Variants in ANKFN1 observed in about 807,000 individuals in gnomAD.
ANKFN1 encodes the protein ankyrin repeat and fibronectin type III domain containing 1.
A neutral mutation model predicts 108.7 loss-of-function variants in ANKFN1; 74 were observed. The observed-to-expected ratio is 0.68, with a 90% CI of 0.56 to 0.83. ANKFN1 has a LOEUF of 0.83. Ranked by LOEUF, ANKFN1 falls within the 40% of genes least tolerant of loss-of-function variation. ANKFN1 has a pLI of 0.00. For missense variants in ANKFN1, 1,505 were observed against 1,382.3 expected, an observed-to-expected ratio of 1.09 and a Z score of -1.41; for synonymous variants, 547 against 516.2, an observed-to-expected ratio of 1.06 and a Z score of -0.81.
Position 56,457,976 on chromosome 17 carries a change from ACAGGTAAGGGAC to A in ANKFN1, c.1557+3_1557+14del. 6.2e-7 allele frequency: 1 copy of A among 1,613,410 alleles called. No individual in the cohort carries two copies. The highest frequency in any genetic ancestry group is 8.5e-7 in the Non-Finnish European group (1 of 1,179,504). ...AGATGCTCGCAGCAACAGCACAGCTACAGGTAAGGGACCAGGTTTCAACCCAGGCCCCCAAGG... is the reference window on the plus strand; with the variant it reads ...AGATGCTCGCAGCAACAGCACAGCTACAGGTTTCAACCCAGGCCCCCAAGG... On this transcript the variant is annotated splice_donor_variant and splice_donor_5th_base_variant and coding_sequence_variant and intron_variant, in exon 14 of 21. Coordinates refer to ENST00000682825, the MANE Select transcript of ANKFN1 (RefSeq NM_001370326.1). LOFTEE classifies it high-confidence loss of function.
rs561259049 is a variant in ANKFN1 at position 56,458,047 on chromosome 17, G to A, written c.1557+68G>A. On this transcript the variant is annotated intron_variant, in intron 14 of 20. Transcript: ENST00000682825. ...TTTAATGTAGAAAATTCAGTTACCA[G>A]TCCTACCTAGAAAGGAAAAGGATGG... 6.1e-6 allele frequency: 8 copies of A among 1,308,228 alleles called. No individual in the cohort carries two copies. In the African/African-American group the frequency reaches 7.3e-5, roughly 12 times the overall value. The allele number at this position is 1,308,228 out of a possible 1,614,324, so 81.0% of individuals were successfully genotyped here.
At chr17:56,362,617 A>G (rs2046551700) in intron 6 of ANKFN1, among the ~76,000 whole-genome samples, 1 of 152,232 alleles carries the variant, frequency 6.6e-6, no homozygotes, top group Non-Finnish European at 1.5e-5. Context: ...GAGTAAAGAC[A>G]TAAACATAAA....
chr17:56,416,369 T>C (rs116118053), intron 8 of ANKFN1, among the ~76,000 whole-genome samples: 3,184 of 152,232 alleles, frequency 0.021, 113 homozygotes, highest in African/African-American at 0.071. Context: ...AAAAATCTAA[T>C]AATCTGATTT....
intron 20 of ANKFN1, among the ~76,000 whole-genome samples, chr17:56,500,836 G>A (rs116591173): frequency 0.012 from 1,775 of 152,272 alleles, 35 homozygotes; most frequent in African/African-American, 0.041. Context: ...CAGGGATACA[G>A]TGATACATAA....
intron 19 of ANKFN1, 71 bp from the exon 20 acceptor site, chr17:56,498,811 C>A: frequency 1.6e-6 from 2 of 1,281,724 alleles, no homozygotes; most frequent in South Asian, 1.3e-5. Flanking sequence ...TCATCTTGGA[C>A]TCTCAGGGAA....
intron 4 of ANKFN1, among the ~76,000 whole-genome samples, chr17:56,328,106 G>C (rs2045570596): frequency 6.6e-6 from 1 of 152,144 alleles, no homozygotes; most frequent in Admixed American, 6.5e-5. Context: ...ATATTGATTA[G>C]TGATAACTGA....
chr17:56,362,290 T>C (rs2046542613), intron 6 of ANKFN1, among the ~76,000 whole-genome samples: 1 of 152,204 alleles, frequency 6.6e-6, no homozygotes, highest in South Asian at 2.1e-4. Context: ...CCAAAACACT[T>C]CCTATGAAGC....
intron 8 of ANKFN1, among the ~76,000 whole-genome samples, chr17:56,433,594 G>A (rs1349100718): frequency 2.6e-5 from 4 of 152,108 alleles, no homozygotes; most frequent in Admixed American, 1.3e-4. Context: ...ACCAAACATC[G>A]TTTGTTCTCA....
intron 4 of ANKFN1, among the ~76,000 whole-genome samples, chr17:56,079,036 T>C (rs1905214552): frequency 6.6e-6 from 1 of 152,170 alleles, no homozygotes; most frequent in Non-Finnish European, 1.5e-5. Context: ...AAGTTCCCTG[T>C]AGCTCTTAAA....
chr17:56,252,138 G>A (rs1237491395), intron 3 of ANKFN1: 2 of 152,192 alleles, frequency 1.3e-5, no homozygotes, highest in Non-Finnish European at 1.5e-5. Context: ...TATCTGCTCA[G>A]AGAATGCAAA....
intron 8 of ANKFN1, among the ~76,000 whole-genome samples, chr17:56,385,961 C>T (rs1478186372): frequency 1.3e-5 from 2 of 152,234 alleles, no homozygotes; most frequent in Non-Finnish European, 2.9e-5. Flanking sequence ...CCCAGCCATC[C>T]CATTACTGGG....
At chr17:56,080,786 G>A (rs1905236932) in intron 4 of ANKFN1, among the ~76,000 whole-genome samples, 1 of 152,212 alleles carries the variant, frequency 6.6e-6, no homozygotes, top group African/African-American at 2.4e-5. Context: ...TTTTCATAGA[G>A]ACATAGAAAG....
At chr17:56,315,724 G>C (rs1026782560) in intron 3 of ANKFN1, among the ~76,000 whole-genome samples, 4 of 152,170 alleles carry the variant, frequency 2.6e-5, no homozygotes, top group African/African-American at 7.2e-5. Flanking sequence ...AAAGTAGCCA[G>C]AGCAGCCCAT....
At chr17:56,467,751 G>A (rs1397435614) in intron 15 of ANKFN1, among the ~76,000 whole-genome samples, 1 of 28,538 alleles carries the variant, frequency 3.5e-5, no homozygotes, top group African/African-American at 1.4e-4. Flanking sequence ...AACAAAGAAA[G>A]AAAGAAAGAA....
intron 3 of ANKFN1, among the ~76,000 whole-genome samples, chr17:56,308,027 A>T (rs2044886137): frequency 1.3e-5 from 2 of 152,166 alleles, no homozygotes; most frequent in Admixed American, 1.3e-4. Flanking sequence ...CATAGGTGGG[A>T]ATTGAACAAT....
At chr17:56,212,725 A>G (rs371702413) in intron 2 of ANKFN1, among the ~76,000 whole-genome samples, 46 bp downstream of exon 2, 1 of 152,164 alleles carries the variant, frequency 6.6e-6, no homozygotes, top group East Asian at 1.9e-4. Flanking sequence ...ACTCCATACA[A>G]AAGAAAAAGG....
At chr17:56,298,694 G>T (rs1007094290) in intron 3 of ANKFN1, among the ~76,000 whole-genome samples, 6 of 152,130 alleles carry the variant, frequency 3.9e-5, no homozygotes, top group African/African-American at 9.7e-5. Flanking sequence ...TATATAGAGA[G>T]AGAGAGATTA....
intron 3 of ANKFN1, among the ~76,000 whole-genome samples, chr17:56,280,165 A>T (rs1292875115): frequency 1.3e-5 from 2 of 152,010 alleles, no homozygotes; most frequent in Non-Finnish European, 2.9e-5. Flanking sequence ...GCATGCCACC[A>T]TGCCCAGCTC....
intron 3 of ANKFN1, among the ~76,000 whole-genome samples, chr17:56,294,404 A>AT (rs2044451452): frequency 6.6e-6 from 1 of 152,232 alleles, no homozygotes; most frequent in African/African-American, 2.4e-5. Context: ...CACAGGCCAC[A>AT]CCATAATTCA....
Sources: allele counts gnomAD v4.1 joint callset (sites outside exome capture counted in the v4.1 genomes callset), GRCh38; gene constraint gnomAD v4.1.1; transcripts MANE v1.5; gene names NCBI Gene and HGNC (gene_info 2026-07-23, HGNC 2026-07-21).